The following PCDHGB3 variants were observed in gnomAD, a reference collection of about 807,000 sequenced individuals.
The protein encoded by PCDHGB3 is protocadherin gamma subfamily B, 3.
In PCDHGB3, 40 loss-of-function variants were observed where a neutral mutation model predicts 59.2. The ratio of observed to expected loss-of-function variants is 0.68; its 90% CI spans 0.52 to 0.88. The LOEUF (loss-of-function observed/expected upper bound fraction) is 0.88. Ranked by LOEUF, PCDHGB3 falls within the 40% of genes least tolerant of loss-of-function variation. PCDHGB3 has a pLI of 0.00. For synonymous variants in PCDHGB3, 581 were observed against 503.6 expected, an observed-to-expected ratio of 1.15 and a Z score of -2.06; for missense variants, 1,309 against 1,187.9, an observed-to-expected ratio of 1.10 and a Z score of -1.50.
At chr5:141,441,004 C>G (rs1258800474) in intron 1 of PCDHGB3, 1 of 152,066 alleles carries the variant, frequency 6.6e-6, no homozygotes, top group African/African-American at 2.4e-5. Flanking sequence ...TCTAGTTTGG[C>G]CTTGATCAAA....
At chr5:141,508,588 C>G (rs1721443459) in intron 3 of PCDHGB3, among the ~76,000 whole-genome samples, 1 of 152,176 alleles carries the variant, frequency 6.6e-6, no homozygotes, top group African/African-American at 2.4e-5. Context: ...GGGTGCTACT[C>G]AGAGATCTTG....
chr5:141,507,816 TG>T (rs1478957063), intron 3 of PCDHGB3, among the ~76,000 whole-genome samples: 1 of 152,130 alleles, frequency 6.6e-6, no homozygotes, highest in African/African-American at 2.4e-5. Flanking sequence ...GAACGGACCC[TG>T]GGGGTGGAGG....
intron 1 of PCDHGB3, among the ~76,000 whole-genome samples, chr5:141,461,288 A>G (rs1049761514): frequency 2.0e-5 from 3 of 152,092 alleles, no homozygotes; most frequent in Admixed American, 1.3e-4. Flanking sequence ...CCCCACATCC[A>G]CACCAACATC....
At chr5:141,454,249 C>T (rs1215688507) in intron 1 of PCDHGB3, among the ~76,000 whole-genome samples, 3 of 152,192 alleles carry the variant, frequency 2.0e-5, no homozygotes, top group Non-Finnish European at 4.4e-5. Context: ...ATGAAGATGT[C>T]CCAGAGAAAG....
chr5:141,507,559 G>T (rs542787142), intron 3 of PCDHGB3, among the ~76,000 whole-genome samples: 1 of 152,368 alleles, frequency 6.6e-6, no homozygotes, highest in African/African-American at 2.4e-5. Flanking sequence ...GTGGCAGGCG[G>T]CTGGGTCTGA....
At chr5:141,500,436 C>G (rs1318326111) in intron 2 of PCDHGB3, among the ~76,000 whole-genome samples, 2 of 151,836 alleles carry the variant, frequency 1.3e-5, no homozygotes, top group African/African-American at 2.4e-5. Flanking sequence ...GTCTCGATCT[C>G]CTGACCTCGT....
intron 1 of PCDHGB3, among the ~76,000 whole-genome samples, chr5:141,387,508 G>T (rs537615944): frequency 6.7e-4 from 102 of 152,312 alleles, no homozygotes; most frequent in African/African-American, 2.3e-3. Context: ...ATTTTTAGAC[G>T]TCATTAAATA....
At chr5:141,425,047 A>G (rs1590618154) in intron 1 of PCDHGB3, among the ~76,000 whole-genome samples, 1 of 152,198 alleles carries the variant, frequency 6.6e-6, no homozygotes, top group Non-Finnish European at 1.5e-5. Context: ...TAAACTGACT[A>G]TCTAGGGCTC....
At chr5:141,424,215 G>T in intron 1 of PCDHGB3, 1 of 167,104 alleles carries the variant, frequency 6.0e-6, no homozygotes. Flanking sequence ...TTTTCTCTGA[G>T]CAATTTTATT....
chr5:141,508,901 C>T (rs1466455227), intron 3 of PCDHGB3, among the ~76,000 whole-genome samples: 1 of 151,946 alleles, frequency 6.6e-6, no homozygotes, highest in South Asian at 2.1e-4. Flanking sequence ...GGGGGCGGGG[C>T]GGTGGCGGAT....
intron 1 of PCDHGB3, chr5:141,408,972 CT>C (rs1404896464): frequency 6.2e-7 from 1 of 1,613,870 alleles, no homozygotes; most frequent in Middle Eastern, 1.6e-4. Flanking sequence ...AATCTGCCCC[CT>C]GGGTCCCCTG....
chr5:141,409,087 T>C (rs753624565), intron 1 of PCDHGB3: 1 of 1,613,990 alleles, frequency 6.2e-7, no homozygotes, highest in Admixed American at 1.7e-5. Flanking sequence ...TCTCATTGGA[T>C]GAGAAAACAG....
chr5:141,371,260 G>C lies in PCDHGB3; in HGVS notation c.866G>C (p.Arg289Thr). 1 of 1,614,034 alleles carries C rather than the reference G, an allele frequency of 6.2e-7. No homozygotes were observed. Among genetic ancestry groups the C allele is most frequent in the Non-Finnish European group, 8.5e-7 (1 of 1,179,904 alleles). ...TTCATCAATATTGGCAAGGAAGTGA[G>C]ACAACTGTTCAAGCTGGACAGTAAA... ...YAFINIGKEV[R>T]QLFKLDSKTG... Residue 289 changes from arginine to threonine, a missense_variant, in exon 1 of 4, where the codon AGA (arginine) becomes ACA (threonine). By Grantham distance (71) the Arg-to-Thr change is moderately conservative. Coordinates refer to ENST00000576222, the MANE Select transcript of PCDHGB3 (RefSeq NM_018924.5).
At chr5:141,438,591 CATATATAT>C (rs946798767) in intron 1 of PCDHGB3, among the ~76,000 whole-genome samples, 35 of 75,562 alleles carry the variant, frequency 4.6e-4, no homozygotes, top group South Asian at 1.0e-3. Flanking sequence ...TACATACATA[CATATATAT>C]ATATATATAT....
At chr5:141,374,608 T>C (rs1480045739) in intron 1 of PCDHGB3, 1 of 1,613,484 alleles carries the variant, frequency 6.2e-7, no homozygotes, top group African/African-American at 1.3e-5. Flanking sequence ...TCAGTGGTAA[T>C]AGTCACTTCT....
At chr5:141,423,750 T>TGG (rs144521096) in intron 1 of PCDHGB3, 9,462 of 287,056 alleles carry the variant, frequency 0.033, 140 homozygotes, top group African/African-American at 0.097. Flanking sequence ...GAAAACTGTT[T>TGG]GGGGGGGGGG....
At chr5:141,410,195 G>C (rs769655902) in intron 1 of PCDHGB3, 1 of 1,613,966 alleles carries the variant, frequency 6.2e-7, no homozygotes, top group South Asian at 1.1e-5. Flanking sequence ...TCTGGTCTTC[G>C]CAGACAACTT....
chr5:141,383,360 T>A (rs1319923403), intron 1 of PCDHGB3: 1 of 1,613,888 alleles, frequency 6.2e-7, no homozygotes, highest in Non-Finnish European at 8.5e-7. Flanking sequence ...CGGTTTCCGT[T>A]AAGCGAGGCT....
At chr5:141,423,303 G>C (rs779246046) in intron 1 of PCDHGB3, 2 of 1,614,172 alleles carry the variant, frequency 1.2e-6, no homozygotes, top group Non-Finnish European at 1.7e-6. Flanking sequence ...ACCTCTCGCT[G>C]TACTTGGTGG....
Sources: gnomAD v4.1 joint callset for allele counts (sites outside exome capture counted in the v4.1 genomes callset) on GRCh38, gnomAD v4.1.1 for gene constraint, MANE v1.5 for transcripts, NCBI Gene and HGNC (gene_info 2026-07-23, HGNC 2026-07-21) for gene names.